The following LARGE1 variants were observed in gnomAD, a reference collection of about 807,000 sequenced individuals.
LARGE1 encodes the protein LARGE xylosyl- and glucuronyltransferase 1, also known as xylosyl- and glucuronyltransferase LARGE1.
A neutral mutation model predicts 87.6 loss-of-function variants in LARGE1; 43 were observed. The ratio of observed to expected loss-of-function variants is 0.49; its 90% CI spans 0.38 to 0.63. The LOEUF is 0.63. LARGE1 is among the 30% of genes least tolerant of loss of function. LARGE1 has a pLI of 0.00. For synonymous variants in LARGE1, 434 were observed against 394.6 expected (o/e 1.10, Z -1.18); for missense variants, 802 against 1,000.2 (o/e 0.80, Z 2.67).
intron 7 of LARGE1, among the ~76,000 whole-genome samples, chr22:33,404,459 C>T (rs1044379784): frequency 6.6e-6 from 1 of 152,128 alleles, no homozygotes; most frequent in Non-Finnish European, 1.5e-5. Context: ...ACATAAAGGC[C>T]CCCTACCTAA....
chr22:33,284,537 T>G (rs1169252699), intron 12 of LARGE1, among the ~76,000 whole-genome samples: 1 of 151,894 alleles, frequency 6.6e-6, no homozygotes, highest in Non-Finnish European at 1.5e-5. Context: ...GAAAGGCTCA[T>G]GGAGAGCCAT....
At chr22:33,908,698 C>T (rs909936632) in intron 1 of LARGE1, among the ~76,000 whole-genome samples, 23 of 152,054 alleles carry the variant, frequency 1.5e-4, no homozygotes, top group Non-Finnish European at 2.2e-4. Flanking sequence ...ACCCTCATTC[C>T]TTAAAGATTA....
chr22:33,247,844 C>T (rs1926837026), intron 11 of LARGE1, among the ~76,000 whole-genome samples: 1 of 152,210 alleles, frequency 6.6e-6, no homozygotes, highest in African/African-American at 2.4e-5. Flanking sequence ...TTGCCTGAAA[C>T]AGATGCCCGT....
intron 9 of LARGE1, among the ~76,000 whole-genome samples, chr22:33,363,376 G>A (rs1340170524): frequency 1.3e-5 from 2 of 149,984 alleles, no homozygotes; most frequent in Non-Finnish European, 3.0e-5. Flanking sequence ...TGAAAGGCAT[G>A]GCTTACATTG....
At chr22:33,314,053 G>A (rs1935886721) in intron 11 of LARGE1, among the ~76,000 whole-genome samples, 1 of 152,130 alleles carries the variant, frequency 6.6e-6, no homozygotes, top group South Asian at 2.1e-4. Flanking sequence ...AACGGTGAGC[G>A]GTATTTGCCG....
chr22:33,555,482 G>GA (rs1285954309), intron 6 of LARGE1, among the ~76,000 whole-genome samples: 2 of 152,164 alleles, frequency 1.3e-5, no homozygotes, highest in Non-Finnish European at 1.5e-5. Flanking sequence ...GACAGTCAGG[G>GA]AAAGCCTTGC....
chr22:33,550,735 C>CA (rs374148455), intron 6 of LARGE1, among the ~76,000 whole-genome samples: 230 of 152,288 alleles, frequency 1.5e-3, no homozygotes, highest in African/African-American at 5.4e-3. Flanking sequence ...ATAAGAAAGA[C>CA]ACCTGCACTG....
At chr22:33,275,197 C>T (rs796240179) in intron 14 of LARGE1, among the ~76,000 whole-genome samples, 49 of 152,296 alleles carry the variant, frequency 3.2e-4, no homozygotes, top group African/African-American at 1.1e-3. Context: ...ACATCTTTAT[C>T]GCAGGTCACA....
At chr22:33,527,348 C>T (rs1053768063) in intron 6 of LARGE1, among the ~76,000 whole-genome samples, 2 of 152,188 alleles carry the variant, frequency 1.3e-5, no homozygotes, top group African/African-American at 4.8e-5. Flanking sequence ...CCAAATGGTT[C>T]TGAGGCAGGT....
chr22:33,104,335 G>T, the LARGE1 span, among the ~76,000 whole-genome samples: 2 of 152,218 alleles, frequency 1.3e-5, no homozygotes, highest in African/African-American at 2.4e-5. Flanking sequence ...GCTCATACAT[G>T]AATGATTTCT....
At chr22:33,117,499 G>A in the LARGE1 span, among the ~76,000 whole-genome samples, 4 of 151,818 alleles carry the variant, frequency 2.6e-5, no homozygotes, top group Admixed American at 1.3e-4. Flanking sequence ...ACAGCTTAGA[G>A]GGTCTTAGAG....
intron 6 of LARGE1, among the ~76,000 whole-genome samples, chr22:33,561,408 C>T (rs2077855696): frequency 6.6e-6 from 1 of 152,198 alleles, no homozygotes; most frequent in Admixed American, 6.5e-5. Flanking sequence ...GCTGCAAGGA[C>T]ATCTGCCTAT....
At chr22:33,417,680 C>G (rs1194693410) in intron 7 of LARGE1, among the ~76,000 whole-genome samples, 2 of 152,192 alleles carry the variant, frequency 1.3e-5, no homozygotes, top group African/African-American at 4.8e-5. Context: ...TGCAGCCATC[C>G]AGGGCTCTTG....
chr22:33,691,734 T>C (rs570867877), intron 2 of LARGE1, among the ~76,000 whole-genome samples: 12 of 152,328 alleles, frequency 7.9e-5, no homozygotes, highest in Middle Eastern at 3.4e-3. Flanking sequence ...AGCCTCTTCC[T>C]ACCGTCTGGG....
chr22:33,690,435 C>T (rs1162522513), intron 2 of LARGE1, among the ~76,000 whole-genome samples: 1 of 152,078 alleles, frequency 6.6e-6, no homozygotes, highest in Non-Finnish European at 1.5e-5. Context: ...CTCCCAGCAA[C>T]CCCAGAAATA....
intron 6 of LARGE1, among the ~76,000 whole-genome samples, chr22:33,530,083 A>C (rs1569242394): frequency 6.6e-6 from 1 of 152,220 alleles, no homozygotes; most frequent in African/African-American, 2.4e-5. Context: ...TCAGATGTAA[A>C]GAGAAGTCTG....
intron 11 of LARGE1, among the ~76,000 whole-genome samples, chr22:33,178,508 C>T (rs2146157897): frequency 6.6e-6 from 1 of 152,296 alleles, no homozygotes; most frequent in South Asian, 2.1e-4. Flanking sequence ...TGTCTTAGAG[C>T]TGATGAGTGG....
intron 5 of LARGE1, among the ~76,000 whole-genome samples, chr22:33,579,002 AAAATAC>A (rs1413757957): frequency 1.3e-5 from 2 of 152,214 alleles, no homozygotes; most frequent in Non-Finnish European, 2.9e-5. Flanking sequence ...TGTTAACACC[AAAATAC>A]AAAGCAGGAA....
intron 1 of LARGE1, among the ~76,000 whole-genome samples, chr22:33,770,211 T>A (rs2085023647): frequency 6.6e-6 from 1 of 152,224 alleles, no homozygotes; most frequent in Non-Finnish European, 1.5e-5. Context: ...AAATTACAAG[T>A]TAGTGTTGAT....
Sources: allele counts gnomAD v4.1 joint callset (sites outside exome capture counted in the v4.1 genomes callset), GRCh38; gene constraint gnomAD v4.1.1; transcripts MANE v1.5; gene names NCBI Gene and HGNC (gene_info 2026-07-23, HGNC 2026-07-21).